Variants in ANXA8 observed in about 807,000 individuals in gnomAD.
ANXA8 encodes VAC-beta.
In ANXA8, 9 loss-of-function variants were observed where a neutral mutation model predicts 26.8. The ratio of observed to expected loss-of-function variants is 0.34; its 90% CI spans 0.20 to 0.59. The LOEUF (loss-of-function observed/expected upper bound fraction) is 0.59. Among genes scored for constraint, ANXA8 ranks in the 20% least tolerant of loss-of-function variants. The probability of loss-of-function intolerance (pLI) is 0.84; values close to 1 mark genes in which losing one functional copy is unlikely to be tolerated. For missense variants in ANXA8, 83 were observed against 238.5 expected (o/e 0.35, Z 4.29); for synonymous variants, 39 against 94.8 (o/e 0.41, Z 3.42).
At chr10:47,743,039 C>T in the ANXA8 span, among the ~76,000 whole-genome samples, 4 of 141,462 alleles carry the variant, frequency 2.8e-5, no homozygotes, top group Non-Finnish European at 4.6e-5. Context: ...GGCGTGGTGG[C>T]GGGCGCCTGT....
At chr10:47,628,547 A>T in the ANXA8 span, among the ~76,000 whole-genome samples, 1 of 150,786 alleles carries the variant, frequency 6.6e-6, no homozygotes, top group Non-Finnish European at 1.5e-5. Flanking sequence ...TTATTTAAAT[A>T]GGTTCAAGTT....
the ANXA8 span, among the ~76,000 whole-genome samples, chr10:47,666,384 G>A: frequency 2.0e-5 from 3 of 150,830 alleles, no homozygotes; most frequent in Non-Finnish European, 4.4e-5. Context: ...GACAGCCAGC[G>A]TTGCTATAAG....
chr10:47,689,795 T>C, the ANXA8 span: 1 of 1,532,570 alleles, frequency 6.5e-7, no homozygotes, highest in Non-Finnish European at 8.9e-7. Context: ...GCTTCTTTAA[T>C]GTCTGTTGCT....
At chr10:47,687,368 G>A in the ANXA8 span, among the ~76,000 whole-genome samples, 4 of 151,382 alleles carry the variant, frequency 2.6e-5, no homozygotes, top group African/African-American at 9.7e-5. Context: ...GGGTTCAAGC[G>A]ATTCTCCTGC....
the ANXA8 span, among the ~76,000 whole-genome samples, chr10:47,948,958 G>GTTTTT: frequency 9.9e-5 from 12 of 121,312 alleles, no homozygotes; most frequent in African/African-American, 3.9e-4. Flanking sequence ...CTGGGAGGTG[G>GTTTTT]TTTTTTTTTT....
At chr10:47,743,327 T>TATATATAC in the ANXA8 span, among the ~76,000 whole-genome samples, 8 of 40,332 alleles carry the variant, frequency 2.0e-4, 1 homozygote, top group African/African-American at 3.8e-4. Flanking sequence ...TATATATATA[T>TATATATAC]ACATATATAT....
At chr10:47,761,424 C>A in the ANXA8 span, 1 of 543,176 alleles carries the variant, frequency 1.8e-6, no homozygotes, top group African/African-American at 2.1e-5. Flanking sequence ...CGCACTTGGC[C>A]CCACATCCTG....
the ANXA8 span, among the ~76,000 whole-genome samples, chr10:47,686,975 G>A: frequency 6.6e-6 from 1 of 151,652 alleles, no homozygotes; most frequent in South Asian, 2.1e-4. Context: ...ATGACAGTAT[G>A]TATCTGTAGT....
chr10:47,483,158 G>C lies in ANXA8; in HGVS notation c.21+755C>G, dbSNP rs71227473. Among the ~76,000 whole-genome samples the C allele has an allele frequency of 1.6e-3, 235 of 151,282 alleles. 4 individuals carry two copies. Among genetic ancestry groups the C allele is most frequent in the African/African-American group, 4.4e-3 (181 of 40,990 alleles). On this transcript the variant is annotated intron_variant, in intron 1 of 11. Coordinates refer to ENST00000585281, the MANE Select transcript of ANXA8 (RefSeq NM_001040084.3). ...CCGAGAACCCATCAGTTCTGCTGGG[G>C]ATGGGCTGCCCTGAGCCCCGGGTTC...
At chr10:47,948,761 C>T in the ANXA8 span, among the ~76,000 whole-genome samples, 1 of 150,972 alleles carries the variant, frequency 6.6e-6, no homozygotes, top group Admixed American at 6.6e-5. Context: ...ATCCATGATG[C>T]TCAATAGATC....
chr10:47,771,552 A>G, the ANXA8 span, among the ~76,000 whole-genome samples: 1 of 151,618 alleles, frequency 6.6e-6, no homozygotes, highest in South Asian at 2.1e-4. Context: ...ATTCTTTACA[A>G]CCACCATCTA....
the ANXA8 span, among the ~76,000 whole-genome samples, chr10:47,907,122 G>A: frequency 2.6e-5 from 4 of 151,808 alleles, no homozygotes; most frequent in African/African-American, 9.7e-5. Context: ...TTTGGGAGGC[G>A]AGGTGGGCGG....
chr10:47,959,733 A>T, the ANXA8 span, among the ~76,000 whole-genome samples: 1 of 149,336 alleles, frequency 6.7e-6, no homozygotes, highest in African/African-American at 2.5e-5. Flanking sequence ...CGGATTTCCC[A>T]GTTAGAGAGC....
At chr10:47,899,844 G>T in the ANXA8 span, among the ~76,000 whole-genome samples, 1 of 148,216 alleles carries the variant, frequency 6.7e-6, no homozygotes, top group Non-Finnish European at 1.5e-5. Flanking sequence ...ATTAATTTTT[G>T]TCCTGATTGA....
chr10:47,900,771 C>A, the ANXA8 span, among the ~76,000 whole-genome samples: 2 of 125,252 alleles, frequency 1.6e-5, no homozygotes, highest in Non-Finnish European at 1.7e-5. Flanking sequence ...TAAGTTGAAC[C>A]TAATGAAAAA....
At chr10:47,970,361 T>C in the ANXA8 span, 1 of 150,986 alleles carries the variant, frequency 6.6e-6, no homozygotes, top group Non-Finnish European at 1.5e-5. Flanking sequence ...CTGAAGAATG[T>C]TCTAGGAAAG....
At chr10:47,499,380 CA>C in the ANXA8 span, among the ~76,000 whole-genome samples, 1 of 126,420 alleles carries the variant, frequency 7.9e-6, no homozygotes, top group Non-Finnish European at 1.6e-5. Context: ...GGTCACTGTT[CA>C]AATAGCTCTC....
chr10:47,645,180 T>C, the ANXA8 span, among the ~76,000 whole-genome samples: 121 of 150,720 alleles, frequency 8.0e-4, no homozygotes, highest in Non-Finnish European at 1.4e-3. Context: ...GACAATTTTC[T>C]AAAATTATCT....
At chr10:47,555,931 T>C in the ANXA8 span, among the ~76,000 whole-genome samples, 1 of 151,964 alleles carries the variant, frequency 6.6e-6, no homozygotes, top group Non-Finnish European at 1.5e-5. Context: ...AGAATGAAGT[T>C]ATACTTAATA....
Sources: gnomAD v4.1 joint callset for allele counts (sites outside exome capture counted in the v4.1 genomes callset) on GRCh38, gnomAD v4.1.1 for gene constraint, MANE v1.5 for transcripts, NCBI Gene and HGNC (gene_info 2026-07-23, HGNC 2026-07-21) for gene names.